The following NFAM1 variants were observed in gnomAD, a reference collection of about 807,000 sequenced individuals.
NFAM1 encodes NFAT activating protein with ITAM motif 1, also known as NFAT activation molecule 1.
Under a neutral mutation model 29.0 loss-of-function variants are expected in NFAM1, and 17 were observed. That is an observed-to-expected ratio of 0.59 (90% CI 0.40 to 0.88). NFAM1 has a LOEUF of 0.88. Among genes scored for constraint, NFAM1 ranks in the 40% least tolerant of loss-of-function variants. The pLI is 0.00. For synonymous variants in NFAM1, 175 were observed against 147.2 expected, an observed-to-expected ratio of 1.19 and a Z score of -1.36; for missense variants, 324 against 344.6, an observed-to-expected ratio of 0.94 and a Z score of 0.47.
At position 42,384,286 on chromosome 22, in the gene NFAM1, G is replaced by A. The variant is rs1929059587; in HGVS notation, c.*875C>T. On this transcript the variant is annotated 3_prime_UTR_variant, in exon 6 of 6. Coordinates refer to ENST00000329021, the MANE Select transcript of NFAM1 (RefSeq NM_145912.8). ...GGAGGGACAGCTGAGGTCCTGTGGT[G>A]GAGAAGGCCTGGAGCAGAGGGTGAC... The A allele has an allele frequency of 1.3e-5, 2 of 153,682 alleles. No individual in the cohort carries two copies. The highest frequency in any genetic ancestry group is 2.9e-5 in the Non-Finnish European group (2 of 68,896). 9.5% of individuals were successfully genotyped at this position (153,682 alleles called of 1,614,324 possible). A position where few individuals can be genotyped will look rare whatever the true frequency, so the allele number is the denominator to read the frequency against.
At position 42,383,708 on chromosome 22, in the gene NFAM1, G is replaced by C. The variant is rs1228726180; in HGVS notation, c.*1453C>G. 1.3e-5 allele frequency: 2 copies of C among 152,768 alleles called. No homozygotes were observed. Among genetic ancestry groups the C allele is most frequent in the Non-Finnish European group, 2.9e-5 (2 of 68,120 alleles). 9.5% of individuals were successfully genotyped at this position (152,768 alleles called of 1,614,324 possible). A position where few individuals can be genotyped will look rare whatever the true frequency, so the allele number is the denominator to read the frequency against. On this transcript the variant is annotated 3_prime_UTR_variant, in exon 6 of 6. Coordinates refer to ENST00000329021, the MANE Select transcript of NFAM1 (RefSeq NM_145912.8). Reference sequence around the variant, plus strand: ...GGTGCTTCTGTGAGCCAGTAGCCCAGTGCTGCTTGGGGGCAGGGGCGGGGC... The same window carrying C: ...GGTGCTTCTGTGAGCCAGTAGCCCACTGCTGCTTGGGGGCAGGGGCGGGGC...
chr22:42,396,722 T>C (rs1929537670), intron 4 of NFAM1, among the ~76,000 whole-genome samples: 2 of 152,150 alleles, frequency 1.3e-5, no homozygotes, highest in Admixed American at 1.3e-4. Flanking sequence ...TTGAGAACCA[T>C]CACATTCCAC....
At chr22:42,423,407 C>G (rs1163431741) in intron 1 of NFAM1, among the ~76,000 whole-genome samples, 1 of 152,138 alleles carries the variant, frequency 6.6e-6, no homozygotes, top group Non-Finnish European at 1.5e-5. Flanking sequence ...TTAGGTACCC[C>G]TACCACCTCC....
chr22:42,424,161 A>G (rs1450858133), intron 1 of NFAM1, among the ~76,000 whole-genome samples: 4 of 151,652 alleles, frequency 2.6e-5, no homozygotes, highest in Non-Finnish European at 5.9e-5. Context: ...CATGCCTGTA[A>G]TCCCAGCACT....
chr22:42,409,025 G>A lies in NFAM1; in HGVS notation c.564+410C>T, dbSNP rs1007469861. Among the ~76,000 whole-genome samples, 1 of 152,086 alleles carries A rather than the reference G, an allele frequency of 6.6e-6. No individual in the cohort carries two copies. The stretch of plus-strand genomic sequence containing the variant: ...GTTGCTGGAGGGCGTGCGAGAGGGC[G>A]AGTGGGAGGGTGTGTGGGAGAGCAC... On this transcript the variant is annotated intron_variant, in intron 3 of 5. Transcript: ENST00000329021. This position sits in a 1 kb window ranked among gnomAD's most constrained non-coding sequence, Gnocchi z 4.9.
At chr22:42,406,146 G>A (rs1929889619) in intron 3 of NFAM1, among the ~76,000 whole-genome samples, 1 of 33,668 alleles carries the variant, frequency 3.0e-5, no homozygotes. Context: ...ACACCTGCGG[G>A]GCAGGCGCAG....
At chr22:42,405,434 G>C (rs980200461) in intron 3 of NFAM1, among the ~76,000 whole-genome samples, 1 of 152,148 alleles carries the variant, frequency 6.6e-6, no homozygotes, top group African/African-American at 2.4e-5. Context: ...GCCTCATTTC[G>C]AGTGCCTGGG....
At chr22:42,416,035 G>A (rs742158) in intron 1 of NFAM1, among the ~76,000 whole-genome samples, 27,626 of 152,072 alleles carry the variant, frequency 0.18, 2,905 homozygotes, top group Admixed American at 0.31. Context: ...GGTCTAGAGG[G>A]TGTCCATGAC....
At chr22:42,436,604 C>T (rs1227028512), upstream of NFAM1, among the ~76,000 whole-genome samples, 1 of 152,220 alleles carries the variant, frequency 6.6e-6, no homozygotes, top group Non-Finnish European at 1.5e-5. Flanking sequence ...CCTGGCCTGG[C>T]TTGTCTCCAG....
intron 1 of NFAM1, among the ~76,000 whole-genome samples, chr22:42,418,025 T>C (rs537467466): frequency 6.6e-6 from 1 of 152,320 alleles, no homozygotes; most frequent in Admixed American, 6.5e-5. Context: ...GACTGTGTTT[T>C]GGGGGGTGAC....
intron 1 of NFAM1, among the ~76,000 whole-genome samples, chr22:42,423,265 G>A (rs889440457): frequency 1.3e-5 from 2 of 152,118 alleles, no homozygotes; most frequent in Admixed American, 6.6e-5. Flanking sequence ...AGAAAGAGGT[G>A]GGAGAAAGGA....
At chr22:42,408,595 G>A (rs947139473) in intron 3 of NFAM1, among the ~76,000 whole-genome samples, 38 of 152,238 alleles carry the variant, frequency 2.5e-4, no homozygotes, top group African/African-American at 9.2e-4. Context: ...CTTTCACTCA[G>A]CATGCTGTCT....
intron 1 of NFAM1, among the ~76,000 whole-genome samples, chr22:42,422,520 G>C (rs1197315905): frequency 6.6e-6 from 1 of 152,050 alleles, no homozygotes; most frequent in Non-Finnish European, 1.5e-5. Context: ...CAGGAGAATC[G>C]CTTGAACCCG....
intron 4 of NFAM1, among the ~76,000 whole-genome samples, chr22:42,396,144 C>G (rs1046757970): frequency 6.6e-6 from 1 of 152,172 alleles, no homozygotes; most frequent in Admixed American, 6.5e-5. Context: ...GACCTCTACT[C>G]TCCAAGCTGG....
At position 42,409,447 on chromosome 22, in the gene NFAM1, C is replaced by T. The variant is rs199628948; in HGVS notation, c.552G>A (p.Leu184=). 19 of 1,499,660 alleles carry T rather than the reference C, an allele frequency of 1.3e-5. No homozygotes were observed. The highest frequency in any genetic ancestry group is 1.4e-5 in the Non-Finnish European group (16 of 1,117,352). The allele number at this position is 1,499,660 out of a possible 1,614,324, so 92.9% of individuals were successfully genotyped here. The change falls in exon 3 of 6, where the codon CTG becomes CTA. Residue 184 remains leucine, a synonymous_variant. Coordinates refer to ENST00000329021, the MANE Select transcript of NFAM1 (RefSeq NM_145912.8). This position sits in a 1 kb window ranked among gnomAD's most constrained non-coding sequence, Gnocchi z 4.9. Reference sequence around the variant, plus strand: ...ACTGATCCCGTACCTTGTTCCAGAGCAGCAGGGCCGTGCCCACTACACTCA... The same window carrying T: ...ACTGATCCCGTACCTTGTTCCAGAGTAGCAGGGCCGTGCCCACTACACTCA... The part of the protein sequence containing the change: ...SVLSVVGTAL[L]LWNKKRMRGP...
At chr22:42,428,983 G>T (rs1930712688) in intron 1 of NFAM1, among the ~76,000 whole-genome samples, 1 of 152,182 alleles carries the variant, frequency 6.6e-6, no homozygotes, top group Non-Finnish European at 1.5e-5. Flanking sequence ...GACCACCAGT[G>T]GCTGCCTTTG....
rs376499182 is a variant in NFAM1, at chr22:42,421,123, T to C, written c.122-9387A>G. ...AGGGGCGGACATTTTGGGAAAGGAA[T>C]GCACCGTGGAAAACTTGGTATGCTC... On this transcript the variant is annotated intron_variant, in intron 1 of 5. Transcript: ENST00000329021. 4.9e-4 allele frequency among the ~76,000 whole-genome samples: 74 copies of C among 152,254 alleles called. 2 individuals carry two copies. Among genetic ancestry groups the C allele is most frequent in the African/African-American group, 1.8e-3 (73 of 41,556 alleles).
At chr22:42,425,947 A>G (rs999273214) in intron 1 of NFAM1, among the ~76,000 whole-genome samples, 1 of 152,066 alleles carries the variant, frequency 6.6e-6, no homozygotes. Context: ...CAGGGTGGGG[A>G]AGGGGCCAGA....
Position 42,425,909 on chromosome 22 carries a change from G to T in NFAM1, c.121+6328C>A, listed in dbSNP as rs527576717. On this transcript the variant is annotated intron_variant, in intron 1 of 5. Coordinates refer to ENST00000329021, the MANE Select transcript of NFAM1 (RefSeq NM_145912.8). ...CTCGGGATCACAGATGAACACCTTG[G>T]GGGAGAGGGAGGGGAACTGGGTTTG... is the stretch of plus-strand genomic sequence containing the variant. Among the ~76,000 whole-genome samples, 45 of 152,296 alleles carry T rather than the reference G, an allele frequency of 3.0e-4. No individual in the cohort carries two copies. In the East Asian group the frequency reaches 4.1e-3, roughly 14 times the overall value.
Sources: gnomAD v4.1 joint callset for allele counts (sites outside exome capture counted in the v4.1 genomes callset) on GRCh38, gnomAD v4.1.1 for gene constraint, Gnocchi (gnomAD v3.1) non-coding constraint, MANE v1.5 for transcripts, NCBI Gene and HGNC (gene_info 2026-07-23, HGNC 2026-07-21) for gene names.